Variants in LOC122539214 observed in about 807,000 individuals in gnomAD.
chr19:52,660,825 G>C, the LOC122539214 span: 4 of 197,404 alleles, frequency 2.0e-5, no homozygotes, highest in Non-Finnish European at 4.4e-5. Flanking sequence ...CATGTAACAT[G>C]AGTCTTTGGA....
the LOC122539214 span, among the ~76,000 whole-genome samples, chr19:52,656,446 A>G: frequency 6.6e-6 from 1 of 152,018 alleles, no homozygotes; most frequent in Non-Finnish European, 1.5e-5. Flanking sequence ...AATTGCTTCA[A>G]CTCTGGAGGC....
At chr19:52,678,010 G>A in the LOC122539214 span, among the ~76,000 whole-genome samples, 1 of 148,610 alleles carries the variant, frequency 6.7e-6, no homozygotes, top group Non-Finnish European at 1.5e-5. Context: ...ACTACAACCT[G>A]GGTGACAGAG....
At chr19:52,683,481 C>T in the LOC122539214 span, among the ~76,000 whole-genome samples, 1 of 138,996 alleles carries the variant, frequency 7.2e-6, no homozygotes, top group East Asian at 2.0e-4. Flanking sequence ...TCATGCCCCT[C>T]AGGTCCCTGA....
chr19:52,669,516 A>T, the LOC122539214 span, among the ~76,000 whole-genome samples: 1 of 152,342 alleles, frequency 6.6e-6, no homozygotes, highest in East Asian at 1.9e-4. Context: ...CTTTGACATG[A>T]TATTAGCATA....
chr19:52,652,796 A>G, the LOC122539214 span: 1 of 878,594 alleles, frequency 1.1e-6, no homozygotes, highest in Non-Finnish European at 1.8e-6. Context: ...GCTTTGCCAC[A>G]CTCATTGCAC....
At chr19:52,652,770 T>A in the LOC122539214 span, 1 of 825,512 alleles carries the variant, frequency 1.2e-6, no homozygotes, top group Non-Finnish European at 2.0e-6. Context: ...GAATAAGTGA[T>A]GACTGCCCAC....
chr19:52,652,983 T>C, the LOC122539214 span: 1 of 1,347,000 alleles, frequency 7.4e-7, no homozygotes, highest in Non-Finnish European at 1.1e-6. Context: ...ACCTGTAAGG[T>C]TTCTCTCCAG....
chr19:52,677,813 C>G, the LOC122539214 span, among the ~76,000 whole-genome samples: 4 of 151,942 alleles, frequency 2.6e-5, no homozygotes, highest in African/African-American at 7.3e-5. Flanking sequence ...GTGGGTGGAT[C>G]ATGAGGTCAG....
the LOC122539214 span, among the ~76,000 whole-genome samples, chr19:52,677,319 AAAAAAAAAAAAC>A: frequency 6.8e-6 from 1 of 147,700 alleles, no homozygotes; most frequent in Non-Finnish European, 1.5e-5. Context: ...AAAAAAAAAA[AAAAAAAAAAAAC>A]AAAAATTAGC....
chr19:52,659,176 C>A, the LOC122539214 span, among the ~76,000 whole-genome samples: 8 of 151,724 alleles, frequency 5.3e-5, no homozygotes, highest in African/African-American at 1.7e-4. Flanking sequence ...AGAAACAGAC[C>A]CCCCACAGTT....
chr19:52,652,562 G>A, the LOC122539214 span: 11 of 434,268 alleles, frequency 2.5e-5, no homozygotes, highest in African/African-American at 1.0e-4. Context: ...CATTTGTAAC[G>A]TTTCTTTCCA....
At chr19:52,652,154 C>T in the LOC122539214 span, 2 of 223,858 alleles carry the variant, frequency 8.9e-6, no homozygotes, top group Admixed American at 5.4e-5. Flanking sequence ...AAAGACATTG[C>T]CACACTGGGC....
the LOC122539214 span, among the ~76,000 whole-genome samples, chr19:52,681,311 CAT>C: frequency 2.0e-5 from 2 of 100,256 alleles, no homozygotes; most frequent in African/African-American, 7.0e-5. Context: ...AGCAAACGAA[CAT>C]AGAGTTTTCT....
chr19:52,652,081 C>A, the LOC122539214 span: 1 of 239,634 alleles, frequency 4.2e-6, no homozygotes, highest in South Asian at 6.2e-5. Flanking sequence ...CACACCTATT[C>A]CATTTGTAAG....
the LOC122539214 span, among the ~76,000 whole-genome samples, chr19:52,657,489 C>T: frequency 1.3e-5 from 2 of 151,556 alleles, no homozygotes. Context: ...GGGCTCCCCA[C>T]TGCACTCCAG....
At chr19:52,650,884 G>T in the LOC122539214 span, 2 of 152,156 alleles carry the variant, frequency 1.3e-5, no homozygotes, top group Non-Finnish European at 2.9e-5. Flanking sequence ...CAATGCTAAT[G>T]AGTGGTCAAG....
chr19:52,678,703 A>G, the LOC122539214 span, among the ~76,000 whole-genome samples: 1 of 152,036 alleles, frequency 6.6e-6, no homozygotes, highest in Non-Finnish European at 1.5e-5. Context: ...TAGGCCAGGC[A>G]TGGCTCATGC....
At chr19:52,665,948 C>T in the LOC122539214 span, among the ~76,000 whole-genome samples, 5 of 151,396 alleles carry the variant, frequency 3.3e-5, no homozygotes, top group Non-Finnish European at 7.4e-5. Context: ...ATCACGAGGT[C>T]AGGAGATTGA....
At chr19:52,661,739 A>G in the LOC122539214 span, among the ~76,000 whole-genome samples, 1 of 152,290 alleles carries the variant, frequency 6.6e-6, no homozygotes, top group African/African-American at 2.4e-5. Context: ...TGAACAGCGA[A>G]GGAGCTAAAA....
Sources: gnomAD v4.1 joint callset for allele counts (sites outside exome capture counted in the v4.1 genomes callset) on GRCh38, gnomAD v4.1.1 for gene constraint, MANE v1.5 for transcripts.